The following SDK1 variants were observed in gnomAD, a reference collection of about 807,000 sequenced individuals.
SDK1 encodes sidekick cell adhesion molecule 1, also known as protein sidekick-1.
SDK1 carries 157 observed loss-of-function variants against 245.5 expected under a neutral mutation model. The observed-to-expected ratio is 0.64, with a 90% confidence interval of 0.56 to 0.73. The LOEUF is 0.73. SDK1 is among the 30% of genes least tolerant of loss of function. The pLI, the probability that SDK1 is intolerant of heterozygous loss-of-function variation, is 0.00. For synonymous variants in SDK1, 1,647 were observed against 1,278.5 expected (o/e 1.29, Z -6.15); for missense variants, 3,583 against 3,002.3 (o/e 1.19, Z -4.52).
At chr7:3,407,744 C>G (rs1308082950) in intron 1 of SDK1, among the ~76,000 whole-genome samples, 1 of 152,148 alleles carries the variant, frequency 6.6e-6, no homozygotes, top group Non-Finnish European at 1.5e-5. Flanking sequence ...AGGTACTGTT[C>G]TAGGCATTGG....
intron 32 of SDK1, among the ~76,000 whole-genome samples, chr7:4,172,517 A>G (rs982517001): frequency 6.6e-6 from 1 of 152,180 alleles, no homozygotes; most frequent in African/African-American, 2.4e-5. Context: ...TTCTCTAAAC[A>G]TCCAACCCCT....
At chr7:4,174,139 A>G in intron 32 of SDK1, 83 bp from the exon 33 acceptor site, 12 of 1,480,964 alleles carry the variant, frequency 8.1e-6, no homozygotes, top group Non-Finnish European at 1.1e-5. Context: ...CTGGCTAGTT[A>G]AACAGGGGTG....
intron 5 of SDK1, among the ~76,000 whole-genome samples, chr7:3,910,384 A>G (rs1289810947): frequency 6.6e-6 from 1 of 152,204 alleles, no homozygotes; most frequent in Non-Finnish European, 1.5e-5. Flanking sequence ...GAGAATTTGC[A>G]TGTGTAGGGA....
chr7:4,265,438 T>G lies in SDK1; in HGVS notation c.*54T>G. The G allele has an allele frequency of 7.1e-7, 1 of 1,400,448 alleles. No individual in the cohort carries two copies. Among genetic ancestry groups the G allele is most frequent in the Non-Finnish European group, 9.2e-7 (1 of 1,085,792 alleles). 86.8% of individuals were successfully genotyped at this position (1,400,448 alleles called of 1,614,324 possible). On this transcript the variant is annotated 3_prime_UTR_variant, in exon 45 of 45. Transcript: ENST00000404826. Reference sequence around the variant, plus strand: ...AACGGAGGCAACTTTCCGGAGTCTATTTTTGTTAAGACAATCAACTCCAAT... The same window carrying G: ...AACGGAGGCAACTTTCCGGAGTCTAGTTTTGTTAAGACAATCAACTCCAAT...
chr7:3,578,607 C>T (rs928319138), intron 1 of SDK1, among the ~76,000 whole-genome samples: 1 of 151,840 alleles, frequency 6.6e-6, no homozygotes, highest in African/African-American at 2.4e-5. Context: ...CCCACAGCAG[C>T]CGTTTATAGA....
At chr7:3,551,739 G>T (rs10274816) in intron 1 of SDK1, among the ~76,000 whole-genome samples, 2 of 151,854 alleles carry the variant, frequency 1.3e-5, no homozygotes, top group South Asian at 4.2e-4. Flanking sequence ...ACAGCAGCAC[G>T]ATCACGGCTC....
chr7:4,061,126 C>G (rs1269564996), intron 19 of SDK1, among the ~76,000 whole-genome samples: 1 of 152,118 alleles, frequency 6.6e-6, no homozygotes, highest in Non-Finnish European at 1.5e-5. Flanking sequence ...GCAATGTGGG[C>G]TCTTTTTTGG....
chr7:3,306,509 G>A (rs768335623), intron 1 of SDK1, among the ~76,000 whole-genome samples: 2 of 152,164 alleles, frequency 1.3e-5, no homozygotes, highest in Admixed American at 1.3e-4. Flanking sequence ...GGTGGAGTTT[G>A]TAAGGTACTG....
intron 36 of SDK1, among the ~76,000 whole-genome samples, chr7:4,206,800 G>A (rs953067558): frequency 3.3e-5 from 5 of 152,094 alleles, no homozygotes; most frequent in South Asian, 2.1e-4. Context: ...GACCCAAGTC[G>A]ATCAGTCATC....
chr7:3,939,391 G>A (rs978277759), intron 5 of SDK1, among the ~76,000 whole-genome samples: 4 of 152,124 alleles, frequency 2.6e-5, no homozygotes, highest in Admixed American at 1.3e-4. Flanking sequence ...CCCACGTCCA[G>A]GGGCTGGGCC....
intron 4 of SDK1, among the ~76,000 whole-genome samples, chr7:3,792,191 C>A (rs1195714241): frequency 6.6e-6 from 1 of 152,098 alleles, no homozygotes; most frequent in Non-Finnish European, 1.5e-5. Context: ...CCTCTCATAA[C>A]TGCCTGGCTC....
chr7:4,050,873 ATATT>A (rs1175860680), intron 18 of SDK1, among the ~76,000 whole-genome samples: 1 of 144,366 alleles, frequency 6.9e-6, no homozygotes, highest in Non-Finnish European at 1.5e-5. Flanking sequence ...TATATGGTAT[ATATT>A]ATATATACCA....
chr7:3,582,198 G>C (rs987721617), intron 1 of SDK1, among the ~76,000 whole-genome samples: 1 of 147,976 alleles, frequency 6.8e-6, no homozygotes, highest in African/African-American at 2.5e-5. Context: ...AGGTAGGTCT[G>C]TCTCAGGTAG....
intron 1 of SDK1, among the ~76,000 whole-genome samples, chr7:3,377,148 A>G (rs7791343): frequency 0.028 from 4,224 of 152,054 alleles, 203 homozygotes; most frequent in African/African-American, 0.095. Flanking sequence ...TAGCTGTTCA[A>G]TCTCTCTGAG....
In SDK1 at chr7:4,070,710, A is replaced by T. The variant is rs945415214; in HGVS notation, c.3010+2774A>T. Among the ~76,000 whole-genome samples, 350 of 143,918 alleles carry T rather than the reference A, an allele frequency of 2.4e-3. 1 individual carries two copies. Among genetic ancestry groups the T allele is most frequent in the Admixed American group, 4.9e-3 (71 of 14,392 alleles). 94.4% of individuals were successfully genotyped at this position (143,918 alleles called of 152,430 possible). ...CCTTGGAGCCAGTGCCACCTCTCAAATTTTTTTTTTTTTTTTTGAGATGGA... is the reference window on the plus strand; with the variant it reads ...CCTTGGAGCCAGTGCCACCTCTCAATTTTTTTTTTTTTTTTTTGAGATGGA... On this transcript the variant is annotated intron_variant, in intron 20 of 44. Transcript: ENST00000404826.
intron 1 of SDK1, among the ~76,000 whole-genome samples, chr7:3,490,098 G>A (rs1241658619): frequency 6.6e-6 from 1 of 152,132 alleles, no homozygotes; most frequent in Non-Finnish European, 1.5e-5. Context: ...TTAGGCGTAG[G>A]TACCAATTAA....
At chr7:3,331,252 G>A (rs1347765716) in intron 1 of SDK1, among the ~76,000 whole-genome samples, 1 of 152,080 alleles carries the variant, frequency 6.6e-6, no homozygotes, top group East Asian at 1.9e-4. Context: ...AACAAAGCGA[G>A]ACTCTGTCTG....
intron 44 of SDK1, among the ~76,000 whole-genome samples, chr7:4,259,482 A>G (rs1787840310): frequency 6.6e-6 from 1 of 152,198 alleles, no homozygotes; most frequent in South Asian, 2.1e-4. Context: ...CAGATCCCTG[A>G]TCTCTTAGCT....
chr7:3,303,067 C>A (rs375612376), intron 1 of SDK1, among the ~76,000 whole-genome samples: 1 of 152,124 alleles, frequency 6.6e-6, no homozygotes, highest in African/African-American at 2.4e-5. Flanking sequence ...CCCTCCACCC[C>A]CCTCCAGCTT....
Sources: allele counts gnomAD v4.1 joint callset (sites outside exome capture counted in the v4.1 genomes callset), GRCh38; gene constraint gnomAD v4.1.1; transcripts MANE v1.5; gene names NCBI Gene and HGNC (gene_info 2026-07-23, HGNC 2026-07-21).